FIGNL2: variants seen among roughly 807,000 people sequenced by gnomAD.
FIGNL2 encodes the protein fidgetin-like protein 2.
For missense variants in FIGNL2, 1,060 were observed against 950.2 expected, an observed-to-expected ratio of 1.12 and a Z score of -1.52; for synonymous variants, 565 against 484.0, an observed-to-expected ratio of 1.17 and a Z score of -2.20.
rs1939801081 is a variant in FIGNL2, at chr12:51,848,551, G to A, written c.-23C>T. ...CCGCGGCCCCGTACCTCGGCATCACGGCCGGGTCCTAGGTGAGTGTGCGCG... is the reference window on the plus strand; with the variant it reads ...CCGCGGCCCCGTACCTCGGCATCACAGCCGGGTCCTAGGTGAGTGTGCGCG... On this transcript the variant is annotated 5_prime_UTR_variant, in exon 1 of 2. Transcript: ENST00000618634. 1 of 983,860 alleles carries A rather than the reference G, an allele frequency of 1.0e-6. No individual in the cohort carries two copies. The highest frequency in any genetic ancestry group is 1.8e-5 in the African/African-American group (1 of 56,958). The allele number at this position is 983,860 out of a possible 1,614,324, so 60.9% of individuals were successfully genotyped here.
At chr12:51,828,479 CAATA>C (rs1939390000) in intron 1 of FIGNL2, 5 of 152,256 alleles carry the variant, frequency 3.3e-5, no homozygotes, top group Admixed American at 1.3e-4. Flanking sequence ...GGCAATCAAT[CAATA>C]GTTACGGAAA....
intron 1 of FIGNL2, among the ~76,000 whole-genome samples, chr12:51,829,484 G>A (rs891584889): frequency 6.6e-6 from 1 of 152,146 alleles, no homozygotes; most frequent in African/African-American, 2.4e-5. Flanking sequence ...CCCAGTTCTG[G>A]GCCAGAGAAT....
intron 1 of FIGNL2, among the ~76,000 whole-genome samples, chr12:51,843,678 G>A (rs1469304042): frequency 6.6e-6 from 1 of 152,184 alleles, no homozygotes; most frequent in East Asian, 1.9e-4. Flanking sequence ...AGGGAGGTAT[G>A]CTGCTACCTT....
chr12:51,844,906 A>G (rs1939719319), intron 1 of FIGNL2: 1 of 983,558 alleles, frequency 1.0e-6, no homozygotes, highest in Non-Finnish European at 1.2e-6. Context: ...TAATATGGCC[A>G]TGGAGTGAGC....
chr12:51,843,868 G>T (rs1939702582), intron 1 of FIGNL2, among the ~76,000 whole-genome samples: 1 of 152,074 alleles, frequency 6.6e-6, no homozygotes, highest in Non-Finnish European at 1.5e-5. Flanking sequence ...GAAGCCAGGA[G>T]TTCAAGATCA....
In FIGNL2 at chr12:51,821,265, C is replaced by T; in HGVS notation, c.1149G>A (p.Val383=). Residue 383 remains valine (V), a synonymous_variant, in exon 2 of 2, where the codon GTG becomes GTA. Transcript: ENST00000618634. The part of the protein sequence containing the change: ...GALELVTSKM[V]DCGPPVQWAD... ...CCCACTGCACCGGGGGCCCGCAGTC[C>T]ACCATCTTGCTCGTCACCAGCTCCA... The T allele has an allele frequency of 6.6e-7, 1 of 1,525,190 alleles. No homozygotes were observed. Among genetic ancestry groups the T allele is most frequent in the African/African-American group, 1.4e-5 (1 of 70,914 alleles). The allele number at this position is 1,525,190 out of a possible 1,614,324, so 94.5% of individuals were successfully genotyped here.
At position 51,819,428 on chromosome 12, in the gene FIGNL2, T is replaced by A. The variant is rs1939119500; in HGVS notation, c.*1024A>T. ...GGGGAGGAAGCCCTTAGGAATACAT[T>A]CTGCTTCTGACCAGGAATAGCTGGG... On this transcript the variant is annotated 3_prime_UTR_variant, in exon 2 of 2. Coordinates refer to ENST00000618634, the MANE Select transcript of FIGNL2 (RefSeq NM_001384995.1). The A allele has an allele frequency of 6.6e-6, 1 of 152,610 alleles. No individual in the cohort carries two copies. The highest frequency in any genetic ancestry group is 2.4e-5 in the African/African-American group (1 of 41,420). The allele number at this position is 152,610 out of a possible 1,614,324, so 9.5% of individuals were successfully genotyped here. A position where few individuals can be genotyped will look rare whatever the true frequency, so the allele number is the denominator to read the frequency against.
chr12:51,847,046 G>T, intron 1 of FIGNL2: 1 of 984,968 alleles, frequency 1.0e-6, no homozygotes, highest in Admixed American at 6.2e-5. Flanking sequence ...CGCAGCTCGC[G>T]CGGCCGCCCG....
At position 51,822,192 on chromosome 12, in the gene FIGNL2, G is replaced by C. The variant is rs755874950; in HGVS notation, c.222C>G (p.Pro74=). ...ACCCGCCCAGGGCCGGACGCTCGTA[G>C]GGAGAATCCAAGACCCCAGAGTACT... The part of the protein sequence containing the change: ...AEKYSGVLDS[P]YERPALGGYS... The change falls in exon 2 of 2, where the codon CCC becomes CCG. Residue 74 remains proline, a synonymous_variant. Transcript: ENST00000618634. The C allele has an allele frequency of 6.8e-6, 11 of 1,611,794 alleles. No homozygotes were observed. Among genetic ancestry groups the C allele is most frequent in the Non-Finnish European group, 8.5e-6 (10 of 1,179,060 alleles).
Position 51,821,532 on chromosome 12 carries a change from G to C in FIGNL2, c.882C>G (p.Ala294=), listed in dbSNP as rs1939195689. ...EPAKAPVADG[A]SYPAADNGEC... Reference sequence around the variant, plus strand: ...CGCCGTTGTCCGCGGCGGGGTAGGAGGCTCCGTCAGCCACGGGGGCCTTGG... The same window carrying C: ...CGCCGTTGTCCGCGGCGGGGTAGGACGCTCCGTCAGCCACGGGGGCCTTGG... The change falls in exon 2 of 2, where the codon GCC becomes GCG. Residue 294 remains alanine (A), a synonymous_variant. Coordinates refer to ENST00000618634, the MANE Select transcript of FIGNL2 (RefSeq NM_001384995.1). 6.4e-7 allele frequency: 1 copy of C among 1,563,308 alleles called. No individual in the cohort carries two copies. The highest frequency in any genetic ancestry group is 1.2e-5 in the South Asian group (1 of 85,932).
At chr12:51,824,034 C>T (rs1242831941) in intron 1 of FIGNL2, 1 of 152,186 alleles carries the variant, frequency 6.6e-6, no homozygotes, top group African/African-American at 2.4e-5. Context: ...AGAACAACAC[C>T]TTCAAAGGTG....
Position 51,848,423 on chromosome 12 carries a change from T to C in FIGNL2, c.-12+117A>G, listed in dbSNP as rs571179764. 680 of 980,104 alleles carry C rather than the reference T, an allele frequency of 6.9e-4. 5 individuals are homozygous for C. In the African/African-American group the frequency reaches 0.011, roughly 15 times the overall value. 60.7% of individuals were successfully genotyped at this position (980,104 alleles called of 1,614,324 possible). A position where few individuals can be genotyped will look rare whatever the true frequency, so the allele number is the denominator to read the frequency against. ...CCCCCGCCGAGCTGAACCCCGCGAC[T>C]AGCAGCCCCCGCCCTCTCGGCCCTC... is the stretch of plus-strand genomic sequence containing the variant. On this transcript the variant is annotated intron_variant, in intron 1 of 1. Coordinates refer to ENST00000618634, the MANE Select transcript of FIGNL2 (RefSeq NM_001384995.1).
In FIGNL2 at chr12:51,820,537, G is replaced by A. The variant is rs1939150786; in HGVS notation, c.1877C>T (p.Ala626Val). The stretch of plus-strand genomic sequence containing the variant: ...GGCCCTAGGGCCCACCTTGGCCAGC[G>A]CCGCCTCCAGGTCCTTGTAGGAGAG... ...RPLSYKDLEA[A>V]LAKVGPRASA... Residue 626 changes from alanine to valine, a missense_variant, in exon 2 of 2, where the codon GCG becomes GTG. Transcript: ENST00000618634. 5.8e-6 allele frequency: 9 copies of A among 1,550,500 alleles called. No homozygotes were observed. The highest frequency in any genetic ancestry group is 4.7e-5 in the South Asian group (4 of 85,124).
Position 51,820,985 on chromosome 12 carries a change from A to G in FIGNL2, c.1429T>C (p.Phe477Leu). 3 of 1,211,804 alleles carry G rather than the reference A, an allele frequency of 2.5e-6. No individual in the cohort carries two copies. The highest frequency in any genetic ancestry group is 3.1e-6 in the Non-Finnish European group (3 of 977,286). The allele number at this position is 1,211,804 out of a possible 1,614,324, so 75.1% of individuals were successfully genotyped here. ...AEGARLLQAA[F>L]AAARCRPPSV... ...GGTGGGCGGCAGCGCGCGGCCGCGA[A>G]GGCGGCCTGGAGGAGGCGCGCGCCC... Residue 477 changes from phenylalanine (F) to leucine (L), a missense_variant, in exon 2 of 2, where the codon TTC becomes CTC. Phe to Leu is a conservative substitution (Grantham distance 22). Transcript: ENST00000618634.
chr12:51,832,313 G>A (rs751206883), intron 1 of FIGNL2, among the ~76,000 whole-genome samples: 3 of 151,972 alleles, frequency 2.0e-5, no homozygotes, highest in South Asian at 2.1e-4. Flanking sequence ...CACTGTGCCC[G>A]GCCCCAAAAT....
At chr12:51,825,837 C>G (rs1480133576) in intron 1 of FIGNL2, 1 of 151,898 alleles carries the variant, frequency 6.6e-6, no homozygotes, top group East Asian at 1.9e-4. Context: ...AGGATGGTCT[C>G]GATCTCCTGA....
intron 1 of FIGNL2, among the ~76,000 whole-genome samples, chr12:51,826,613 TG>T (rs1462482615): frequency 3.6e-4 from 46 of 129,000 alleles, no homozygotes; most frequent in Non-Finnish European, 1.9e-4. Flanking sequence ...CACTCCAGCC[TG>T]GGCGATAAGA....
Position 51,822,251 on chromosome 12 carries a change from T to C in FIGNL2, c.163A>G (p.Thr55Ala). The C allele has an allele frequency of 6.2e-7, 1 of 1,611,262 alleles. No homozygotes were observed. ...AWAHDDISALTASNLLKRYAE... is the reference protein window; with the variant it reads ...AWAHDDISALAASNLLKRYAE... ...TAGCGCTTTAGGAGGTTGGAGGCAG[T>C]GAGGGCTGAGATGTCGTCGTGTGCC... The change falls in exon 2 of 2, where the codon ACT (threonine) becomes GCT (alanine). Residue 55 changes from threonine to alanine, a missense_variant. Coordinates refer to ENST00000618634, the MANE Select transcript of FIGNL2 (RefSeq NM_001384995.1).
Position 51,821,374 on chromosome 12 carries a change from T to C in FIGNL2, c.1040A>G (p.Lys347Arg). The stretch of plus-strand genomic sequence containing the variant: ...AGGAGCCGGGGCCCGCTCCGGGAAC[T>C]TTTCAAAGGGCTCCAGTTGCGGGCC... ...VYGPQLEPFE[K>R]FPERAPAPRG... Residue 347 changes from lysine to arginine, a missense_variant, in exon 2 of 2, where the codon AAG (lysine) becomes AGG (arginine). Lys to Arg is a conservative substitution (Grantham distance 26). Transcript: ENST00000618634. 6.6e-7 allele frequency: 1 copy of C among 1,506,038 alleles called. No homozygotes were observed. The highest frequency in any genetic ancestry group is 8.8e-7 in the Non-Finnish European group (1 of 1,130,234). 93.3% of individuals were successfully genotyped at this position (1,506,038 alleles called of 1,614,324 possible).
Sources: allele counts gnomAD v4.1 joint callset (sites outside exome capture counted in the v4.1 genomes callset), GRCh38; gene constraint gnomAD v4.1.1; transcripts MANE v1.5; gene names NCBI Gene and HGNC (gene_info 2026-07-23, HGNC 2026-07-21).